Variants in TRIOBP observed in about 807,000 individuals in gnomAD.
TRIOBP encodes the protein TRIO and F-actin-binding protein.
In TRIOBP, 169 loss-of-function variants were observed where a neutral mutation model predicts 238.8. The observed-to-expected ratio is 0.71, with a 90% CI of 0.62 to 0.80. The LOEUF (loss-of-function observed/expected upper bound fraction) is 0.80, where lower values mean the gene tolerates loss of function less well. TRIOBP is among the 30% of genes least tolerant of loss of function. The probability of loss-of-function intolerance (pLI) is 0.00; values close to 1 mark genes in which losing one functional copy is unlikely to be tolerated. For synonymous variants in TRIOBP, 1,150 were observed against 1,274.4 expected, an observed-to-expected ratio of 0.90 and a Z score of 2.08; for missense variants, 2,838 against 3,122.6, an observed-to-expected ratio of 0.91 and a Z score of 2.17.
intron 19 of TRIOBP, 68 bp from the exon 20 acceptor site, chr22:37,768,960 C>A: frequency 6.2e-7 from 1 of 1,609,000 alleles, no homozygotes; most frequent in Non-Finnish European, 8.5e-7. Context: ...TTAAGTCTAC[C>A]TGACTGGACT....
Position 37,732,464 on chromosome 22 carries a change from C to T in TRIOBP, c.3948-834C>T, listed in dbSNP as rs571242413. Among the ~76,000 whole-genome samples the T allele has an allele frequency of 2.7e-5, 4 of 145,978 alleles. 1 individual carries two copies. The highest frequency in any genetic ancestry group is 4.5e-4 in the South Asian group (2 of 4,484). ...GATGGAAGTTGCAGTGAGCCGAGAT[C>T]GCGCCACTGCACTCCAGCCTGGGTG... On this transcript the variant is annotated intron_variant, in intron 7 of 23. Transcript: ENST00000644935.
chr22:37,769,238 C>A lies in TRIOBP; in HGVS notation c.6736-24C>A, dbSNP rs1288566289. The A allele has an allele frequency of 3.1e-6, 5 of 1,606,040 alleles. No individual in the cohort carries two copies. In the African/African-American group the frequency reaches 5.4e-5, roughly 17 times the overall value. Reference sequence around the variant, plus strand: ...ACACGGGTGGGTCCCGGCACCCCTCCCCTGACCACCGTGCCTCTCCCAGGA... The same window carrying A: ...ACACGGGTGGGTCCCGGCACCCCTCACCTGACCACCGTGCCTCTCCCAGGA... On this transcript the variant is annotated intron_variant, in intron 20 of 23. Transcript: ENST00000644935.
chr22:37,702,287 C>G (rs1294329449), intron 3 of TRIOBP, among the ~76,000 whole-genome samples: 1 of 152,032 alleles, frequency 6.6e-6, no homozygotes, highest in Admixed American at 6.5e-5. Flanking sequence ...TCACTGCAAT[C>G]TCTGCCTCCT....
At position 37,769,076 on chromosome 22, in the gene TRIOBP, G is replaced by A. The variant is rs768324520; in HGVS notation, c.6624G>A (p.Gln2208=). Residue 2208 remains glutamine (Q), a synonymous_variant, in exon 20 of 24, where the codon CAG becomes CAA. Transcript: ENST00000644935. ...GAGAGCTGCAGGTGCTATCGGAGCA[G>A]TACTCGCAGAAGTGCCTGGAGATTG... ...LKRELQVLSE[Q]YSQKCLEIGA... 1.2e-6 allele frequency: 2 copies of A among 1,613,588 alleles called. No homozygotes were observed. The highest frequency in any genetic ancestry group is 1.7e-6 in the Non-Finnish European group (2 of 1,180,028).
Position 37,723,628 on chromosome 22 carries a change from T to C in TRIOBP, c.1072T>C (p.Ser358Pro). 6.2e-7 allele frequency: 1 copy of C among 1,613,870 alleles called. No individual in the cohort carries two copies. Among genetic ancestry groups the C allele is most frequent in the East Asian group, 2.2e-5 (1 of 44,864 alleles). The stretch of plus-strand genomic sequence containing the variant: ...CCAACTGGATAACCCCAGAACCTCT[T>C]CTACCCAGCAGGACAACCCCCAAAC... The part of the protein sequence containing the change: ...STQLDNPRTS[S>P]TQQDNPQTSF... The change falls in exon 7 of 24, where the codon TCT becomes CCT. Residue 358 changes from serine to proline, a missense_variant. Physicochemically the swap from Ser to Pro is moderately conservative, Grantham distance 74. This residue lies in a region of TRIOBP where 535 missense variants were observed against 537.3 expected (regional missense o/e 1.00). Coordinates refer to ENST00000644935, the MANE Select transcript of TRIOBP (RefSeq NM_001039141.3).
chr22:37,754,101 G>C (rs1412676057), intron 12 of TRIOBP, among the ~76,000 whole-genome samples: 7 of 152,168 alleles, frequency 4.6e-5, no homozygotes, highest in African/African-American at 1.7e-4. Context: ...TGGGTAGCCA[G>C]CCTACAGTTC....
intron 17 of TRIOBP, among the ~76,000 whole-genome samples, chr22:37,761,257 G>A (rs1013539734): frequency 2.6e-5 from 4 of 151,980 alleles, no homozygotes; most frequent in Non-Finnish European, 2.9e-5. Context: ...GGCCAGTGTG[G>A]CCAGAGTGGT....
chr22:37,716,049 A>C, intron 6 of TRIOBP, 115 bp downstream of exon 6: 6 of 1,076,636 alleles, frequency 5.6e-6, no homozygotes, highest in Non-Finnish European at 8.3e-6. Context: ...CTGAGTGTTA[A>C]TAATAGTAAC....
intron 11 of TRIOBP, chr22:37,750,683 C>T (rs1218896886): frequency 4.2e-6 from 2 of 471,122 alleles, no homozygotes; most frequent in Non-Finnish European, 8.8e-6. Flanking sequence ...CTGGGTCCCC[C>T]GACTGTGGCT....
intron 3 of TRIOBP, among the ~76,000 whole-genome samples, chr22:37,708,421 G>T (rs1601619687): frequency 6.6e-6 from 1 of 152,084 alleles, no homozygotes; most frequent in Non-Finnish European, 1.5e-5. Context: ...CATGGTGTCG[G>T]GCACCTGTAA....
intron 11 of TRIOBP, chr22:37,750,624 T>C: frequency 2.1e-6 from 1 of 471,042 alleles, no homozygotes; most frequent in South Asian, 1.5e-5. Context: ...GCAGAGCCTG[T>C]GTCTCTCCCT....
rs1555895416 is a variant in TRIOBP at position 37,719,988 on chromosome 22, T to TCACACTGCACTCACTGTTTCACTCA, written c.629-3196_629-3195insACACTGCACTCACTGTTTCACTCAC. On this transcript the variant is annotated intron_variant, in intron 6 of 23. Transcript: ENST00000644935. Reference sequence around the variant, plus strand: ...CACACTGCACTCACTGTTTCACTCATCCCCCCCCGCCCTTTTTTTTTTTTT... The same window carrying TCACACTGCACTCACTGTTTCACTCA: ...CACACTGCACTCACTGTTTCACTCATCACACTGCACTCACTGTTTCACTCACCCCCCCCGCCCTTTTTTTTTTTTT... Among the ~76,000 whole-genome samples, 37 of 30,874 alleles carry TCACACTGCACTCACTGTTTCACTCA rather than the reference T, an allele frequency of 1.2e-3. 9 individuals carry two copies. The highest frequency in any genetic ancestry group is 1.9e-3 in the Non-Finnish European group (28 of 14,704). The allele number at this position is 30,874 out of a possible 152,430, so 20.3% of individuals were successfully genotyped here.
chr22:37,734,968 G>A lies in TRIOBP; in HGVS notation c.4632G>A (p.Ala1544=), dbSNP rs765744248. The change falls in exon 9 of 24, where the codon GCG becomes GCA. Residue 1544 remains alanine (A), a synonymous_variant. Coordinates refer to ENST00000644935, the MANE Select transcript of TRIOBP (RefSeq NM_001039141.3). ...PTAVGWGAEG[A]CPYPRGSERR... ...CTGTGGGCTGGGGGGCAGAGGGAGC[G>A]TGTCCATACCCGCGTGGCTCTGAGA... is the stretch of plus-strand genomic sequence containing the variant. 2.0e-5 allele frequency: 32 copies of A among 1,613,352 alleles called. 1 individual carries two copies. The highest frequency in any genetic ancestry group is 5.5e-5 in the South Asian group (5 of 91,090).
intron 4 of TRIOBP, among the ~76,000 whole-genome samples, chr22:37,711,352 G>T (rs1923225743): frequency 6.6e-6 from 1 of 152,040 alleles, no homozygotes; most frequent in South Asian, 2.1e-4. Context: ...GCCAAGGTGG[G>T]CGGATCACTT....
At chr22:37,742,389 A>T (rs888147590) in intron 11 of TRIOBP, among the ~76,000 whole-genome samples, 6 of 150,558 alleles carry the variant, frequency 4.0e-5, no homozygotes, top group Admixed American at 1.3e-4. Context: ...CAGCCTCCCG[A>T]GTATGTGGTA....
In TRIOBP at chr22:37,725,724, T is replaced by C; in HGVS notation, c.3168T>C (p.Pro1056=). ...APESEPPHHE[P]PYIPPAVCIG... is the part of the protein sequence containing the mutation. ...AGAGTGAACCGCCCCACCACGAGCC[T>C]CCCTATATACCACCTGCTGTGTGCA... Residue 1056 remains proline, a synonymous_variant, in exon 7 of 24, where the codon CCT becomes CCC. Transcript: ENST00000644935. 1 of 1,580,442 alleles carries C rather than the reference T, an allele frequency of 6.3e-7. No homozygotes were observed. Among genetic ancestry groups the C allele is most frequent in the African/African-American group, 1.6e-5 (1 of 63,552 alleles).
chr22:37,715,790 G>A lies in TRIOBP; in HGVS notation c.484G>A (p.Glu162Lys), dbSNP rs1392181685. 6.2e-7 allele frequency: 1 copy of A among 1,614,096 alleles called. No homozygotes were observed. Among genetic ancestry groups the A allele is most frequent in the Non-Finnish European group, 8.5e-7 (1 of 1,180,016 alleles). The part of the protein sequence containing the change: ...VDWDTVERQE[E>K]EAPSWDELAV... ...CTGGGACACTGTTGAGAGGCAGGAG[G>A]AGGAGGCCCCCAGCTGGGACGAGCT... Residue 162 changes from glutamate (E) to lysine (K), a missense_variant, in exon 6 of 24, where the codon GAG (glutamate) becomes AAG (lysine). Around this residue, in one of 5 missense-constraint regions of TRIOBP, gnomAD observed 535 missense variants for 537.3 expected, o/e 1.00. Coordinates refer to ENST00000644935, the MANE Select transcript of TRIOBP (RefSeq NM_001039141.3).
At chr22:37,773,185 TTGG>T (rs1224910890) in intron 23 of TRIOBP, among the ~76,000 whole-genome samples, 4 of 116,324 alleles carry the variant, frequency 3.4e-5, no homozygotes, top group Non-Finnish European at 8.4e-5. Context: ...AAGTGGTTGG[TTGG>T]TTGGTTGGTT....
chr22:37,757,570 C>T (rs868079434), intron 15 of TRIOBP, 43 bp from the exon 16 acceptor site: 1 of 1,548,608 alleles, frequency 6.5e-7, no homozygotes. Flanking sequence ...TGTGGGACTG[C>T]AGGGGTGAGG....
Sources: gnomAD v4.1 joint callset for allele counts (sites outside exome capture counted in the v4.1 genomes callset) on GRCh38, gnomAD v4.1.1 for gene constraint, gnomAD v4.1.1 regional missense constraint, MANE v1.5 for transcripts, NCBI Gene and HGNC (gene_info 2026-07-23, HGNC 2026-07-21) for gene names.